Variants in EPS8 observed in about 807,000 individuals in gnomAD.
The protein encoded by EPS8 is epidermal growth factor receptor kinase substrate 8.
Under a neutral mutation model 103.8 loss-of-function variants are expected in EPS8, and 42 were observed. The ratio of observed to expected loss-of-function variants is 0.40; its 90% confidence interval spans 0.32 to 0.52. EPS8 has a LOEUF of 0.52. EPS8 is among the 20% of genes least tolerant of loss of function. EPS8 has a pLI of 0.40. For missense variants in EPS8, 969 were observed against 1,005.1 expected (o/e 0.96, Z 0.49); for synonymous variants, 344 against 344.6 (o/e 1.00, Z 0.02).
rs969747084 is a variant in EPS8, at chr12:15,704,387, A to C, written c.-21-21415T>G. ...ATACATCTACATAAGGGAATTATTT[A>C]TCCTTTAAAAGGAAACAGACATCTC... On this transcript the variant is annotated intron_variant, in intron 1 of 20. Transcript: ENST00000281172. This position sits in a 1 kb window ranked among gnomAD's most constrained non-coding sequence, Gnocchi z 4.6. Among the ~76,000 whole-genome samples the C allele has an allele frequency of 6.6e-6, 1 of 152,224 alleles. No homozygotes were observed. Among genetic ancestry groups the C allele is most frequent in the Non-Finnish European group, 1.5e-5 (1 of 68,036 alleles).
intron 1 of EPS8, among the ~76,000 whole-genome samples, chr12:15,773,372 G>A (rs1002322752): frequency 2.6e-5 from 4 of 152,032 alleles, no homozygotes; most frequent in Middle Eastern, 3.2e-3. Context: ...AAATTAGAAG[G>A]CAATCATGAA....
At chr12:15,655,602 C>T (rs924882026) in intron 12 of EPS8, among the ~76,000 whole-genome samples, 29 of 151,812 alleles carry the variant, frequency 1.9e-4, no homozygotes, top group Admixed American at 1.5e-3. Context: ...CAACCTCGAA[C>T]GCATTTCCAA....
In EPS8 at chr12:15,759,700, A is replaced by G. The variant is rs947610777; in HGVS notation, c.-22+29461T>C. Among the ~76,000 whole-genome samples, 2 of 152,110 alleles carry G rather than the reference A, an allele frequency of 1.3e-5. No individual in the cohort carries two copies. The highest frequency in any genetic ancestry group is 2.4e-5 in the African/African-American group (1 of 41,450). On this transcript the variant is annotated intron_variant, in intron 1 of 20. Transcript: ENST00000281172. This position sits in a 1 kb window ranked among gnomAD's most constrained non-coding sequence, Gnocchi z 4.9. ...TATACTAGTACAAGGAAATTAAACA[A>G]TATGCTCACGAATGACCACTGGGTC...
At chr12:15,626,138 C>A (rs1297329259) in intron 18 of EPS8, among the ~76,000 whole-genome samples, 1 of 152,118 alleles carries the variant, frequency 6.6e-6, no homozygotes, top group Non-Finnish European at 1.5e-5. Context: ...TGATTCCTGT[C>A]CTATACTACA....
rs71042268 is a variant in EPS8, at chr12:15,768,429, CAAAA to C, written c.-22+20728_-22+20731del. Among the ~76,000 whole-genome samples the C allele has an allele frequency of 3.6e-4, 9 of 24,858 alleles. No homozygotes were observed. In the Admixed American group the frequency reaches 3.9e-3, roughly 11 times the overall value. The allele number at this position is 24,858 out of a possible 152,430, so 16.3% of individuals were successfully genotyped here. On this transcript the variant is annotated intron_variant, in intron 1 of 20. Coordinates refer to ENST00000281172, the MANE Select transcript of EPS8 (RefSeq NM_004447.6). ...CTCTAGCCTGCAAGAGACTCCATCT[CAAAA>C]AAAAAAAAAAAAAAAAAAAAAAGAA...
intron 1 of EPS8, among the ~76,000 whole-genome samples, chr12:15,770,871 G>C (rs780864614): frequency 1.3e-5 from 2 of 152,116 alleles, no homozygotes; most frequent in East Asian, 3.9e-4. Context: ...GATGAAAGAT[G>C]CAAGAAAAAA....
At position 15,727,462 on chromosome 12, in the gene EPS8, T is replaced by A. The variant is rs750568316; in HGVS notation, c.-21-44490A>T. On this transcript the variant is annotated intron_variant, in intron 1 of 20. Coordinates refer to ENST00000281172, the MANE Select transcript of EPS8 (RefSeq NM_004447.6). The surrounding 1 kb of genome is among the most constrained non-coding windows in gnomAD (Gnocchi z 4.3). ...TAATTGAAACACTTTAATATTTCCT[T>A]TAATGTTGGTAGATACTAATAAATT... 2.0e-5 allele frequency among the ~76,000 whole-genome samples: 3 copies of A among 152,210 alleles called. No homozygotes were observed. Among genetic ancestry groups the A allele is most frequent in the Non-Finnish European group, 2.9e-5 (2 of 68,032 alleles).
chr12:15,629,959 T>G (rs1945015224), intron 18 of EPS8, among the ~76,000 whole-genome samples: 1 of 152,136 alleles, frequency 6.6e-6, no homozygotes, highest in Admixed American at 6.5e-5. Context: ...GCATCCAATC[T>G]CAGCTATAAA....
rs545099817 is a variant in EPS8, at chr12:15,776,595, G to T, written c.-22+12566C>A. 2.6e-4 allele frequency among the ~76,000 whole-genome samples: 40 copies of T among 152,230 alleles called. No individual in the cohort carries two copies. In the South Asian group the frequency reaches 5.0e-3, roughly 19 times the overall value. On this transcript the variant is annotated intron_variant, in intron 1 of 20. Coordinates refer to ENST00000281172, the MANE Select transcript of EPS8 (RefSeq NM_004447.6). This position sits in a 1 kb window ranked among gnomAD's most constrained non-coding sequence, Gnocchi z 4.2. ...GTCTGGCTCAATCTCGCAAGAATAG[G>T]AATTTCCACATTCAGAACTGTCTTT...
chr12:15,627,331 T>C (rs1203234583), intron 18 of EPS8, among the ~76,000 whole-genome samples: 2 of 152,190 alleles, frequency 1.3e-5, no homozygotes, highest in Admixed American at 6.5e-5. Context: ...ACCTACCTCC[T>C]TTCATTAAAA....
At chr12:15,639,515 G>A (rs2135751073) in intron 17 of EPS8, among the ~76,000 whole-genome samples, 1 of 152,172 alleles carries the variant, frequency 6.6e-6, no homozygotes, top group South Asian at 2.1e-4. Context: ...ATGCACATGA[G>A]GCCAGCCAAA....
chr12:15,654,062 T>C, intron 13 of EPS8, 83 bp downstream of exon 13: 2 of 1,328,902 alleles, frequency 1.5e-6, no homozygotes, highest in Non-Finnish European at 2.1e-6. Context: ...CCTTCGTATG[T>C]AGAAGGTTAA....
chr12:15,783,463 T>C (rs1947280104), intron 1 of EPS8, among the ~76,000 whole-genome samples: 1 of 152,104 alleles, frequency 6.6e-6, no homozygotes, highest in Admixed American at 6.6e-5. Flanking sequence ...GGGTCAACTG[T>C]ACTTGAAAAA....
At position 15,688,475 on chromosome 12, in the gene EPS8, C is replaced by T. The variant is rs536573871; in HGVS notation, c.-21-5503G>A. 6.6e-6 allele frequency among the ~76,000 whole-genome samples: 1 copy of T among 152,144 alleles called. No individual in the cohort carries two copies. The highest frequency in any genetic ancestry group is 1.5e-5 in the Non-Finnish European group (1 of 68,026). ...AAATGTTGCATTTCCCAAGACCAGCCTGGCTTGCCACGCCCCCATTTTGTG... is the reference window on the plus strand; with the variant it reads ...AAATGTTGCATTTCCCAAGACCAGCTTGGCTTGCCACGCCCCCATTTTGTG... On this transcript the variant is annotated intron_variant, in intron 1 of 20. Transcript: ENST00000281172. The surrounding 1 kb of genome is among the most constrained non-coding windows in gnomAD (Gnocchi z 5.1).
chr12:15,724,045 T>A (rs962798413), intron 1 of EPS8, among the ~76,000 whole-genome samples: 8 of 152,164 alleles, frequency 5.3e-5, no homozygotes, highest in Non-Finnish European at 1.2e-4. Context: ...AACAGAAAAA[T>A]TCTATGGCTT....
At chr12:15,669,216 T>C (rs190119261) in intron 6 of EPS8, among the ~76,000 whole-genome samples, 171 bp downstream of exon 6, 1 of 152,334 alleles carries the variant, frequency 6.6e-6, no homozygotes, top group Admixed American at 6.5e-5. Context: ...TTTCTTTATT[T>C]ACTTGCCATG....
Position 15,624,557 on chromosome 12 carries a change from T to C in EPS8, c.2045-150A>G, listed in dbSNP as rs181254432. 116 of 549,154 alleles carry C rather than the reference T, an allele frequency of 2.1e-4. 1 individual carries two copies. The highest frequency in any genetic ancestry group is 1.9e-3 in the African/African-American group (99 of 52,088). The allele number at this position is 549,154 out of a possible 1,614,324, so 34.0% of individuals were successfully genotyped here. On this transcript the variant is annotated intron_variant, in intron 18 of 20. Coordinates refer to ENST00000281172, the MANE Select transcript of EPS8 (RefSeq NM_004447.6). The stretch of plus-strand genomic sequence containing the variant: ...TCCTCACTTTTATCCTCGCCTGGTA[T>C]AAATGCCATGATCAATTATTAAAAT...
Position 15,697,196 on chromosome 12 carries a change from A to G in EPS8, c.-21-14224T>C, listed in dbSNP as rs1460300301. Among the ~76,000 whole-genome samples the G allele has an allele frequency of 2.0e-5, 3 of 152,222 alleles. No homozygotes were observed. Among genetic ancestry groups the G allele is most frequent in the African/African-American group, 7.2e-5 (3 of 41,452 alleles). ...AGAAGGGAAAACTTGAGGGACAAGCACAAACTGATTAAAATGTCTAAATAA... is the reference window on the plus strand; with the variant it reads ...AGAAGGGAAAACTTGAGGGACAAGCGCAAACTGATTAAAATGTCTAAATAA... On this transcript the variant is annotated intron_variant, in intron 1 of 20. Transcript: ENST00000281172. This position sits in a 1 kb window ranked among gnomAD's most constrained non-coding sequence, Gnocchi z 5.6.
At chr12:15,624,649 C>G (rs532888903) in intron 18 of EPS8, among the ~76,000 whole-genome samples, 2 of 152,292 alleles carry the variant, frequency 1.3e-5, no homozygotes, top group South Asian at 4.2e-4. Context: ...CTGGTTAAAC[C>G]TAACTTTCTG....
Sources: allele counts gnomAD v4.1 joint callset (sites outside exome capture counted in the v4.1 genomes callset), GRCh38; gene constraint gnomAD v4.1.1; non-coding constraint Gnocchi (gnomAD v3.1); transcripts MANE v1.5; gene names NCBI Gene and HGNC (gene_info 2026-07-23, HGNC 2026-07-21).